TRMT61B: variants seen among roughly 807,000 people sequenced by gnomAD.
The protein encoded by TRMT61B is tRNA methyltransferase 61B.
TRMT61B carries 56 observed loss-of-function variants against 52.0 expected under a neutral mutation model. The ratio of observed to expected loss-of-function variants is 1.08; its 90% CI spans 0.87 to 1.35. The LOEUF (loss-of-function observed/expected upper bound fraction) is 1.35, where lower values mean the gene tolerates loss of function less well. TRMT61B is among the 40% of genes most tolerant of loss of function. The probability of loss-of-function intolerance (pLI) is 0.00; values close to 1 mark genes in which losing one functional copy is unlikely to be tolerated. For missense variants in TRMT61B, 650 were observed against 577.9 expected, an observed-to-expected ratio of 1.12 and a Z score of -1.28; for synonymous variants, 206 against 220.0, an observed-to-expected ratio of 0.94 and a Z score of 0.56.
intron 3 of TRMT61B, among the ~76,000 whole-genome samples, chr2:28,855,302 A>G (rs1278766850): frequency 1.3e-5 from 2 of 152,216 alleles, no homozygotes; most frequent in Non-Finnish European, 1.5e-5. Context: ...TTAAAAAACT[A>G]TTTTTGTGTG....
chr2:28,850,293 A>C, intron 6 of TRMT61B, 35 bp downstream of exon 6: 1 of 1,601,012 alleles, frequency 6.2e-7, no homozygotes, highest in Non-Finnish European at 8.5e-7. Flanking sequence ...TAAAAGAAAA[A>C]ACACCATTTA....
At chr2:28,852,307 T>C (rs1669147692) in intron 4 of TRMT61B, 101 bp downstream of exon 4, 2 of 426,594 alleles carry the variant, frequency 4.7e-6, no homozygotes, top group Admixed American at 6.2e-5. Context: ...AGTTTTTTTC[T>C]GTCTCAAAAA....
chr2:28,860,241 C>T (rs550732584), intron 3 of TRMT61B, among the ~76,000 whole-genome samples: 3 of 122,424 alleles, frequency 2.5e-5, no homozygotes, highest in East Asian at 3.0e-4. Flanking sequence ...CACTGCACTC[C>T]ACCCTAAGCA....
chr2:28,859,067 G>A (rs991137986), intron 3 of TRMT61B, among the ~76,000 whole-genome samples: 1 of 147,160 alleles, frequency 6.8e-6, no homozygotes, highest in Admixed American at 6.8e-5. Context: ...GCTAATTCTT[G>A]TATTTTTCTT....
rs1156852513 is a variant in TRMT61B at position 28,850,190 on chromosome 2, C to T, written c.*9G>A. On this transcript the variant is annotated 3_prime_UTR_variant, in exon 7 of 7. Coordinates refer to ENST00000306108, the MANE Select transcript of TRMT61B (RefSeq NM_017910.4). ...CCATCTTCAAGTCAGTTACTGTCAT[C>T]TGGAGTACTCAGTTAAGTTGTGGTT... is the stretch of plus-strand genomic sequence containing the variant. 12 of 1,609,052 alleles carry T rather than the reference C, an allele frequency of 7.5e-6. No individual in the cohort carries two copies. Among genetic ancestry groups the T allele is most frequent in the Admixed American group, 1.7e-5 (1 of 59,688 alleles).
chr2:28,852,438 T>C lies in TRMT61B; in HGVS notation c.1055A>G (p.His352Arg), dbSNP rs1297834165. 2.5e-6 allele frequency: 4 copies of C among 1,610,560 alleles called. No homozygotes were observed. The highest frequency in any genetic ancestry group is 3.4e-6 in the Non-Finnish European group (4 of 1,177,564). ...TACATATACAGCACATACACCACCATGCTTAAGATGTGGGTAAAAAACAGG... is the reference window on the plus strand; with the variant it reads ...TACATATACAGCACATACACCACCACGCTTAAGATGTGGGTAAAAAACAGG... ...TLPVFYPHLK[H>R]GGVCAVYVVN... Residue 352 changes from histidine (H) to arginine (R), a missense_variant, in exon 4 of 7, where the codon CAT (histidine) becomes CGT (arginine). Physicochemically the swap from His to Arg is conservative, Grantham distance 29. Coordinates refer to ENST00000306108, the MANE Select transcript of TRMT61B (RefSeq NM_017910.4).
chr2:28,858,041 CTTT>C (rs372996493), intron 3 of TRMT61B, among the ~76,000 whole-genome samples: 5 of 133,310 alleles, frequency 3.8e-5, no homozygotes, highest in Non-Finnish European at 3.2e-5. Context: ...TTGTTTAATT[CTTT>C]TTTTTTTTTT....
intron 2 of TRMT61B, among the ~76,000 whole-genome samples, chr2:28,863,332 G>A (rs1204837060): frequency 6.6e-6 from 1 of 151,724 alleles, no homozygotes; most frequent in African/African-American, 2.4e-5. Flanking sequence ...TTGGGAGGCT[G>A]GGACGACAGG....
rs972829330 is a variant in TRMT61B at position 28,852,338 on chromosome 2, T to A, written c.1085+70A>T. The A allele has an allele frequency of 4.6e-5, 28 of 604,118 alleles. 1 individual carries two copies. In the Middle Eastern group the frequency reaches 1.8e-3, roughly 39 times the overall value. The allele number at this position is 604,118 out of a possible 1,614,324, so 37.4% of individuals were successfully genotyped here. ...AAAAAAAAAAAAAAAAAAAAAAAAATTTAGTTTGATACTTAAGCAAAAGTG... is the reference window on the plus strand; with the variant it reads ...AAAAAAAAAAAAAAAAAAAAAAAAAATTAGTTTGATACTTAAGCAAAAGTG... On this transcript the variant is annotated intron_variant, in intron 4 of 6. Coordinates refer to ENST00000306108, the MANE Select transcript of TRMT61B (RefSeq NM_017910.4).
In TRMT61B at chr2:28,869,614, A is replaced by G. The variant is rs774692606; in HGVS notation, c.664T>C (p.Leu222=). 1.1e-5 allele frequency: 17 copies of G among 1,613,802 alleles called. No individual in the cohort carries two copies. Among genetic ancestry groups the G allele is most frequent in the East Asian group, 4.5e-5 (2 of 44,882 alleles). ...GTTATGGCAGTCCCTCTTTTCATCA[A>G]TACTACATAGTCTTCCAAGGCTGGC... ...RRPALEDYVV[L]MKRGTAITFP... The change falls in exon 1 of 7, where the codon TTG becomes CTG. Residue 222 remains leucine, a synonymous_variant. Coordinates refer to ENST00000306108, the MANE Select transcript of TRMT61B (RefSeq NM_017910.4).
chr2:28,863,020 T>C (rs1215409544), intron 2 of TRMT61B, among the ~76,000 whole-genome samples: 2 of 152,078 alleles, frequency 1.3e-5, no homozygotes, highest in Non-Finnish European at 2.9e-5. Context: ...TTGATACCAT[T>C]TGGAGATTAT....
intron 2 of TRMT61B, 58 bp downstream of exon 2, chr2:28,864,959 T>A: frequency 9.7e-7 from 1 of 1,027,212 alleles, no homozygotes; most frequent in South Asian, 1.3e-5. Context: ...TTTCTGTTAT[T>A]ATGAACAAAT....
intron 2 of TRMT61B, among the ~76,000 whole-genome samples, chr2:28,862,739 C>A (rs980400764): frequency 6.6e-6 from 1 of 150,950 alleles, no homozygotes; most frequent in Non-Finnish European, 1.5e-5. Flanking sequence ...CACAGTAATC[C>A]CAGCACTTTG....
At chr2:28,867,599 T>C (rs1445491884) in intron 1 of TRMT61B, among the ~76,000 whole-genome samples, 1 of 152,206 alleles carries the variant, frequency 6.6e-6, no homozygotes, top group Non-Finnish European at 1.5e-5. Context: ...AGTGGAACAA[T>C]GTGACTTTTA....
Position 28,851,284 on chromosome 2 carries a change from A to G in TRMT61B, c.1100T>C (p.Ile367Thr). 2 of 1,610,872 alleles carry G rather than the reference A, an allele frequency of 1.2e-6. No homozygotes were observed. Among genetic ancestry groups the G allele is most frequent in the Non-Finnish European group, 1.7e-6 (2 of 1,178,722 alleles). ...GGTGCGAATTCCATCTAAAAGTTCA[A>G]TAACCTGTGTGATGCTTTCAGAAAA... ...AVYVVNITQV[I>T]ELLDGIRTCE... is the part of the protein sequence containing the mutation. The change falls in exon 5 of 7, where the codon ATT (isoleucine) becomes ACT (threonine). Residue 367 changes from isoleucine (I) to threonine (T), a missense_variant. Transcript: ENST00000306108.
In TRMT61B at chr2:28,865,082, G is replaced by A. The variant is rs1287497262; in HGVS notation, c.737C>T (p.Pro246Leu). 6.2e-7 allele frequency: 1 copy of A among 1,612,406 alleles called. No homozygotes were observed. The highest frequency in any genetic ancestry group is 1.1e-5 in the South Asian group (1 of 91,010). ...NMILSMMDIN[P>L]GDTVLEAGSG... Reference sequence around the variant, plus strand: ...GCCAGCTTCCAAAACAGTATCACCTGGGTTGATATCCATCATTGAGAGAAT... The same window carrying A: ...GCCAGCTTCCAAAACAGTATCACCTAGGTTGATATCCATCATTGAGAGAAT... Residue 246 changes from proline to leucine, a missense_variant, in exon 2 of 7, where the codon CCA becomes CTA. Physicochemically the swap from Pro to Leu is moderately conservative, Grantham distance 98 (BLOSUM62 -3). Coordinates refer to ENST00000306108, the MANE Select transcript of TRMT61B (RefSeq NM_017910.4).
chr2:28,854,731 T>C, intron 3 of TRMT61B, among the ~76,000 whole-genome samples: 5 of 100,286 alleles, frequency 5.0e-5, no homozygotes, highest in Non-Finnish European at 5.4e-5. Context: ...AGAGCGAGAC[T>C]CCGTCTCAAA....
intron 3 of TRMT61B, among the ~76,000 whole-genome samples, chr2:28,856,884 C>T (rs1376670189): frequency 6.6e-6 from 1 of 152,020 alleles, no homozygotes; most frequent in Admixed American, 6.6e-5. Context: ...ATCCGCCCGC[C>T]TTGGCCTCCC....
chr2:28,852,186 G>A (rs895366738), intron 4 of TRMT61B, among the ~76,000 whole-genome samples: 21 of 150,838 alleles, frequency 1.4e-4, no homozygotes, highest in African/African-American at 4.1e-4. Context: ...GGTGGCGGGC[G>A]CCTGTAACCC....
Sources: allele counts gnomAD v4.1 joint callset (sites outside exome capture counted in the v4.1 genomes callset), GRCh38; gene constraint gnomAD v4.1.1; transcripts MANE v1.5; gene names NCBI Gene and HGNC (gene_info 2026-07-23, HGNC 2026-07-21).